The following THADA variants were observed in gnomAD, a reference collection of about 807,000 sequenced individuals.
THADA encodes tRNA (32-2'-O)-methyltransferase regulator THADA.
In THADA, 213 loss-of-function variants were observed where a neutral mutation model predicts 219.8. That is an observed-to-expected ratio of 0.97 (90% CI 0.87 to 1.09). THADA has a LOEUF of 1.09. THADA is among the 50% of genes least tolerant of loss of function. THADA has a pLI of 0.00. For missense variants in THADA, 2,956 were observed against 2,311.3 expected (o/e 1.28, Z -5.72); for synonymous variants, 1,018 against 828.9 (o/e 1.23, Z -3.92).
At chr2:43,517,317 A>G (rs1163233076) in intron 22 of THADA, among the ~76,000 whole-genome samples, 1 of 152,174 alleles carries the variant, frequency 6.6e-6, no homozygotes, top group African/African-American at 2.4e-5. Flanking sequence ...ACACAAAGCA[A>G]TTAATTTCAC....
chr2:43,263,492 T>C (rs1049378962), intron 36 of THADA, among the ~76,000 whole-genome samples: 3 of 152,156 alleles, frequency 2.0e-5, no homozygotes, highest in South Asian at 2.1e-4. Context: ...AATGTTGGGA[T>C]GTATCCGAGG....
At chr2:43,452,881 C>G (rs1403930651) in intron 26 of THADA, among the ~76,000 whole-genome samples, 1 of 152,170 alleles carries the variant, frequency 6.6e-6, no homozygotes, top group Non-Finnish European at 1.5e-5. Flanking sequence ...AATTAAGAGA[C>G]TCTTCCTAAT....
intron 28 of THADA, among the ~76,000 whole-genome samples, chr2:43,418,487 C>T (rs551218200): frequency 1.1e-4 from 16 of 152,060 alleles, no homozygotes; most frequent in Non-Finnish European, 2.1e-4. Context: ...TGCAGCTAGC[C>T]AGGTAGAGCA....
chr2:43,470,207 CAAAAA>C (rs67659070), intron 26 of THADA, among the ~76,000 whole-genome samples: 1 of 80,690 alleles, frequency 1.2e-5, no homozygotes, highest in Non-Finnish European at 2.8e-5. Context: ...GACCTTGTCT[CAAAAA>C]AAAAAAAAAA....
intron 26 of THADA, among the ~76,000 whole-genome samples, chr2:43,475,377 CCA>C: frequency 7.1e-6 from 1 of 140,840 alleles, no homozygotes; most frequent in South Asian, 2.2e-4. Flanking sequence ...CAAGGTTGTG[CCA>C]GCCACTGCAC....
At chr2:43,443,495 T>A (rs942412198) in intron 26 of THADA, among the ~76,000 whole-genome samples, 5 of 152,212 alleles carry the variant, frequency 3.3e-5, no homozygotes, top group Non-Finnish European at 7.3e-5. Flanking sequence ...AAGTTACCAC[T>A]GCAGATATAG....
intron 15 of THADA, chr2:43,564,989 A>G (rs1433695745): frequency 2.0e-5 from 3 of 152,224 alleles, no homozygotes; most frequent in South Asian, 2.1e-4. Flanking sequence ...ATAATATAAA[A>G]GGCCATTTGT....
At chr2:43,328,680 GTAATCTGT>G (rs1679616033) in intron 30 of THADA, among the ~76,000 whole-genome samples, 1 of 152,202 alleles carries the variant, frequency 6.6e-6, no homozygotes, top group African/African-American at 2.4e-5. Flanking sequence ...CCTGGGGAAT[GTAATCTGT>G]GAAAGCAGAG....
At chr2:43,488,049 T>C (rs1221104630) in intron 25 of THADA, among the ~76,000 whole-genome samples, 1 of 152,220 alleles carries the variant, frequency 6.6e-6, no homozygotes, top group African/African-American at 2.4e-5. Flanking sequence ...ATCTGCTATT[T>C]GGTTACCCTG....
At chr2:43,556,653 G>C (rs573217743) in intron 16 of THADA, 98 bp from the exon 17 acceptor site, 1 of 1,147,020 alleles carries the variant, frequency 8.7e-7, no homozygotes. Context: ...GCTGAGTACA[G>C]TGGGCTCGAG....
chr2:43,561,565 T>C (rs1380638573), intron 15 of THADA, among the ~76,000 whole-genome samples: 1 of 152,194 alleles, frequency 6.6e-6, no homozygotes, highest in Non-Finnish European at 1.5e-5. Context: ...GAAAACATTA[T>C]TATGCTTAGT....
At chr2:43,240,514 T>C (rs1668508809) in intron 36 of THADA, among the ~76,000 whole-genome samples, 1 of 152,162 alleles carries the variant, frequency 6.6e-6, no homozygotes, top group Non-Finnish European at 1.5e-5. Context: ...CTCAGTCCCC[T>C]ACCTCCCCTT....
intron 21 of THADA, among the ~76,000 whole-genome samples, chr2:43,533,524 T>C (rs2103765137): frequency 6.6e-6 from 1 of 152,138 alleles, no homozygotes; most frequent in South Asian, 2.1e-4. Flanking sequence ...CTAAAGAAAA[T>C]GTGGCACATA....
intron 20 of THADA, among the ~76,000 whole-genome samples, chr2:43,542,166 G>A (rs777344455): frequency 2.6e-5 from 4 of 151,946 alleles, no homozygotes; most frequent in Middle Eastern, 3.2e-3. Flanking sequence ...AAAAGAGCAC[G>A]CTGACAAAAT....
chr2:43,476,218 T>C (rs971585016), intron 26 of THADA, among the ~76,000 whole-genome samples: 4 of 152,122 alleles, frequency 2.6e-5, no homozygotes, highest in African/African-American at 4.8e-5. Context: ...GGTGGGAACA[T>C]GGGAACATAA....
At chr2:43,476,536 A>C (rs910997860) in intron 26 of THADA, among the ~76,000 whole-genome samples, 2 of 152,218 alleles carry the variant, frequency 1.3e-5, no homozygotes, top group Non-Finnish European at 2.9e-5. Flanking sequence ...TGTTATTCGC[A>C]GCCAAAAGGA....
rs753917327 is a variant in THADA, at chr2:43,556,380, C to T, written c.2639G>A (p.Arg880Lys). Residue 880 changes from arginine (R) to lysine (K), a missense_variant, in exon 17 of 38, where the codon AGG (arginine) becomes AAG (lysine). Coordinates refer to ENST00000405975, the MANE Select transcript of THADA (RefSeq NM_022065.5). ...TQQVACDNGD[R>K]PAAVVERNTL... ...GTTCCTTTCCACCACAGCAGCAGGC[C>T]TATCTCCATTATCACATGCAACTTG... is the stretch of plus-strand genomic sequence containing the variant. 1.2e-6 allele frequency: 2 copies of T among 1,613,888 alleles called. No individual in the cohort carries two copies. Among genetic ancestry groups the T allele is most frequent in the Non-Finnish European group, 1.7e-6 (2 of 1,179,848 alleles).
rs185373631 is a variant in THADA at position 43,513,673 on chromosome 2, G to T, written c.3375-4893C>A. 2.7e-3 allele frequency among the ~76,000 whole-genome samples: 417 copies of T among 152,228 alleles called. 2 individuals are homozygous for T. The highest frequency in any genetic ancestry group is 3.5e-3 in the Non-Finnish European group (236 of 68,000). Reference sequence around the variant, plus strand: ...TACCTAATCTAGTTCCTCTGATAGAGAGGAAAGAGCCTAGAAAGAGATCAG... The same window carrying T: ...TACCTAATCTAGTTCCTCTGATAGATAGGAAAGAGCCTAGAAAGAGATCAG... On this transcript the variant is annotated intron_variant, in intron 22 of 37. Transcript: ENST00000405975.
chr2:43,427,032 G>A (rs1178569236), intron 28 of THADA, among the ~76,000 whole-genome samples: 1 of 152,154 alleles, frequency 6.6e-6, no homozygotes, highest in East Asian at 1.9e-4. Flanking sequence ...AGTGGTAATA[G>A]GCTCTAAAAG....
Sources: allele counts gnomAD v4.1 joint callset (sites outside exome capture counted in the v4.1 genomes callset), GRCh38; gene constraint gnomAD v4.1.1; transcripts MANE v1.5; gene names NCBI Gene and HGNC (gene_info 2026-07-23, HGNC 2026-07-21).